Variants in ALCAM observed in about 807,000 individuals in gnomAD.
ALCAM encodes activated leukocyte cell adhesion molecule, also known as CD166 antigen.
ALCAM carries 30 observed loss-of-function variants against 70.9 expected under a neutral mutation model. The ratio of observed to expected loss-of-function variants is 0.42; its 90% CI spans 0.32 to 0.57. The LOEUF (loss-of-function observed/expected upper bound fraction) is 0.57. Ranked by LOEUF, ALCAM falls within the 20% of genes least tolerant of loss-of-function variation. ALCAM has a pLI of 0.11. For missense variants in ALCAM, 591 were observed against 695.1 expected, an observed-to-expected ratio of 0.85 and a Z score of 1.68; for synonymous variants, 249 against 242.5, an observed-to-expected ratio of 1.03 and a Z score of -0.25.
chr3:105,498,464 T>C (rs1369981155), intron 1 of ALCAM, among the ~76,000 whole-genome samples: 1 of 152,030 alleles, frequency 6.6e-6, no homozygotes, highest in Non-Finnish European at 1.5e-5. Context: ...TTTGGTATCC[T>C]TGACACCACC....
intron 1 of ALCAM, among the ~76,000 whole-genome samples, chr3:105,518,491 A>C (rs1939440045): frequency 6.6e-6 from 1 of 152,108 alleles, no homozygotes; most frequent in Admixed American, 6.6e-5. Flanking sequence ...ATGTGCAATA[A>C]AGCAATTTCC....
intron 1 of ALCAM, among the ~76,000 whole-genome samples, chr3:105,419,844 T>C (rs191687641): frequency 1.3e-5 from 2 of 151,890 alleles, no homozygotes; most frequent in East Asian, 3.9e-4. Flanking sequence ...AATTATAATA[T>C]CACATGATTC....
chr3:105,438,013 G>A (rs148040446), intron 1 of ALCAM, among the ~76,000 whole-genome samples: 173 of 152,108 alleles, frequency 1.1e-3, no homozygotes, highest in African/African-American at 3.9e-3. Context: ...TCACTCCTAT[G>A]ATGTAAAATA....
intron 1 of ALCAM, among the ~76,000 whole-genome samples, chr3:105,446,150 T>TA (rs1429432627): frequency 2.6e-5 from 4 of 152,022 alleles, no homozygotes; most frequent in Non-Finnish European, 5.9e-5. Flanking sequence ...TAATCCAATT[T>TA]AAAAATATGC....
chr3:105,483,600 G>A (rs1457920308), intron 1 of ALCAM, among the ~76,000 whole-genome samples: 1 of 152,100 alleles, frequency 6.6e-6, no homozygotes, highest in Non-Finnish European at 1.5e-5. Flanking sequence ...AAAGATTTGT[G>A]AGCAATTGCA....
chr3:105,367,479 C>A lies in ALCAM; in HGVS notation c.71C>A (p.Pro24Gln). 2 of 1,614,066 alleles carry A rather than the reference C, an allele frequency of 1.2e-6. No individual in the cohort carries two copies. The highest frequency in any genetic ancestry group is 1.7e-6 in the Non-Finnish European group (2 of 1,179,934). The change falls in exon 1 of 16, where the codon CCA becomes CAA. Residue 24 changes from proline to glutamine, a missense_variant and splice_region_variant. Coordinates refer to ENST00000306107, the MANE Select transcript of ALCAM (RefSeq NM_001627.4). Reference sequence around the variant, plus strand: ...TTGATCTCCGCCACCGTCTTCAGGCCAGGTGAGCAAGGGCCTGGGAGCAGC... The same window carrying A: ...TTGATCTCCGCCACCGTCTTCAGGCAAGGTGAGCAAGGGCCTGGGAGCAGC... ...CLLISATVFR[P>Q]GLGWYTVNSA...
intron 1 of ALCAM, among the ~76,000 whole-genome samples, chr3:105,392,127 T>C (rs1263293524): frequency 6.6e-6 from 1 of 152,056 alleles, no homozygotes; most frequent in African/African-American, 2.4e-5. Flanking sequence ...GTTTTTGGAA[T>C]AGTTTCAGAA....
At chr3:105,506,935 C>A (rs1471388779) in intron 1 of ALCAM, among the ~76,000 whole-genome samples, 1 of 151,708 alleles carries the variant, frequency 6.6e-6, no homozygotes, top group Admixed American at 6.5e-5. Context: ...ATTCAGCTGC[C>A]TAGACTGGAA....
intron 1 of ALCAM, among the ~76,000 whole-genome samples, chr3:105,415,233 T>G (rs1267718377): frequency 6.6e-6 from 1 of 152,158 alleles, no homozygotes; most frequent in Non-Finnish European, 1.5e-5. Context: ...CTTTCATCCC[T>G]TTGGTCTCAG....
chr3:105,455,311 G>A (rs113902394), intron 1 of ALCAM, among the ~76,000 whole-genome samples: 2,729 of 151,672 alleles, frequency 0.018, 45 homozygotes, highest in Non-Finnish European at 0.029. Context: ...GCGTGGTGGC[G>A]GGCGCCTGTG....
chr3:105,470,132 TACACAC>T (rs35560211), intron 1 of ALCAM, among the ~76,000 whole-genome samples: 14 of 145,748 alleles, frequency 9.6e-5, no homozygotes, highest in South Asian at 6.4e-4. Flanking sequence ...GTTATATACA[TACACAC>T]ACACACACAC....
rs901511501 is a variant in ALCAM at position 105,367,331 on chromosome 3, G to A, written c.-78G>A. On this transcript the variant is annotated 5_prime_UTR_variant, in exon 1 of 16. Transcript: ENST00000306107. ...CCTGCGTCGGGACCCGCCAGCGCGC[G>A]GGCACCGCGGGGCCCGGGACGACGC... 1 of 1,490,566 alleles carries A rather than the reference G, an allele frequency of 6.7e-7. No individual in the cohort carries two copies. Among genetic ancestry groups the A allele is most frequent in the East Asian group, 2.3e-5 (1 of 43,728 alleles). The allele number at this position is 1,490,566 out of a possible 1,614,324, so 92.3% of individuals were successfully genotyped here. A position where few individuals can be genotyped will look rare whatever the true frequency, so the allele number is the denominator to read the frequency against.
At chr3:105,570,410 A>G (rs1244945148) in intron 14 of ALCAM, among the ~76,000 whole-genome samples, 1 of 152,190 alleles carries the variant, frequency 6.6e-6, no homozygotes, top group African/African-American at 2.4e-5. Flanking sequence ...AAGACATAAT[A>G]TTAAACACTG....
chr3:105,533,740 G>A, intron 5 of ALCAM, 50 bp downstream of exon 5: 1 of 1,543,254 alleles, frequency 6.5e-7, no homozygotes, highest in Non-Finnish European at 8.9e-7. Flanking sequence ...GACCTGTTCT[G>A]ACTTTCTTTG....
intron 1 of ALCAM, 97 bp from the exon 2 acceptor site, chr3:105,519,970 G>T: frequency 1.5e-6 from 1 of 688,050 alleles, no homozygotes; most frequent in Non-Finnish European, 2.5e-6. Context: ...AACCTTCATC[G>T]ACATGCATCT....
At chr3:105,395,006 T>A (rs1027054549) in intron 1 of ALCAM, among the ~76,000 whole-genome samples, 2 of 151,976 alleles carry the variant, frequency 1.3e-5, no homozygotes, top group Admixed American at 6.6e-5. Context: ...ATGACTGTAT[T>A]TCACGGAGTA....
intron 1 of ALCAM, among the ~76,000 whole-genome samples, chr3:105,508,691 C>A (rs776776191): frequency 6.6e-6 from 1 of 152,120 alleles, no homozygotes; most frequent in South Asian, 2.1e-4. Flanking sequence ...AGCAAATCAA[C>A]ATATCACTCT....
At chr3:105,484,864 A>T (rs1938380062) in intron 1 of ALCAM, among the ~76,000 whole-genome samples, 1 of 152,112 alleles carries the variant, frequency 6.6e-6, no homozygotes, top group South Asian at 2.1e-4. Context: ...AAGTTAGTGA[A>T]CCAGTACATG....
chr3:105,373,708 G>A (rs914039088), intron 1 of ALCAM, among the ~76,000 whole-genome samples: 1 of 151,958 alleles, frequency 6.6e-6, no homozygotes, highest in African/African-American at 2.4e-5. Flanking sequence ...TAAATTTTTT[G>A]AATACCAAAT....
Sources: gnomAD v4.1 joint callset for allele counts (sites outside exome capture counted in the v4.1 genomes callset) on GRCh38, gnomAD v4.1.1 for gene constraint, MANE v1.5 for transcripts, NCBI Gene and HGNC (gene_info 2026-07-23, HGNC 2026-07-21) for gene names.